TLE4: variants seen among roughly 807,000 people sequenced by gnomAD.
TLE4 encodes transducin-like enhancer protein 4.
TLE4 carries 8 observed loss-of-function variants against 92.8 expected under a neutral mutation model. The ratio of observed to expected loss-of-function variants is 0.09; its 90% CI spans 0.05 to 0.16. The LOEUF is 0.16. Ranked by LOEUF, TLE4 falls within the 10% of genes least tolerant of loss-of-function variation. The pLI is 1.00. For missense variants in TLE4, 675 were observed against 997.6 expected, an observed-to-expected ratio of 0.68 and a Z score of 4.36; for synonymous variants, 371 against 374.1, an observed-to-expected ratio of 0.99 and a Z score of 0.10.
In TLE4 at chr9:79,718,878, G is replaced by A. The variant is rs773471363; in HGVS notation, c.1497G>A (p.Thr499=). The A allele has an allele frequency of 6.8e-5, 109 of 1,613,982 alleles. 1 individual carries two copies. Among genetic ancestry groups the A allele is most frequent in the South Asian group, 3.4e-4 (31 of 91,080 alleles). The part of the protein sequence containing the change: ...VVCAVTISNP[T]RHVYTGGKGC... ...GCGCGGTGACCATCAGCAACCCCAC[G>A]AGACACGTGTACACGGGTGGGAAGG... The change falls in exon 15 of 20, where the codon ACG becomes ACA. Residue 499 remains threonine, a synonymous_variant. Transcript: ENST00000376552.
intron 8 of TLE4, among the ~76,000 whole-genome samples, chr9:79,681,574 G>A (rs900543491): frequency 6.6e-6 from 1 of 152,082 alleles, no homozygotes; most frequent in East Asian, 1.9e-4. Flanking sequence ...ATTGAAGATC[G>A]AATGTCCACA....
Position 79,725,511 on chromosome 9 carries a change from T to C in TLE4, c.*367T>C, listed in dbSNP as rs2076299239. 1.2e-5 allele frequency: 2 copies of C among 168,818 alleles called. No individual in the cohort carries two copies. The highest frequency in any genetic ancestry group is 2.6e-5 in the Non-Finnish European group (2 of 78,172). 10.5% of individuals were successfully genotyped at this position (168,818 alleles called of 1,614,324 possible). On this transcript the variant is annotated 3_prime_UTR_variant, in exon 20 of 20. Coordinates refer to ENST00000376552, the MANE Select transcript of TLE4 (RefSeq NM_007005.6). ...TCCTGCATTGATAATGAAGGTGCGTTGTATTTGATACCCCTCCCCCCCTTT... is the reference window on the plus strand; with the variant it reads ...TCCTGCATTGATAATGAAGGTGCGTCGTATTTGATACCCCTCCCCCCCTTT...
At chr9:79,577,731 A>G (rs934312402) in intron 4 of TLE4, among the ~76,000 whole-genome samples, 1 of 152,166 alleles carries the variant, frequency 6.6e-6, no homozygotes, top group African/African-American at 2.4e-5. Context: ...ATTGGACCAG[A>G]TGATTAATTT....
chr9:79,607,636 T>TC (rs1219946980), intron 4 of TLE4, among the ~76,000 whole-genome samples: 1 of 152,152 alleles, frequency 6.6e-6, no homozygotes, highest in Non-Finnish European at 1.5e-5. Context: ...GGGAATCCTT[T>TC]CCCCATTGCT....
intron 6 of TLE4, among the ~76,000 whole-genome samples, chr9:79,628,356 AATT>A (rs1460178696): frequency 1.3e-5 from 2 of 151,912 alleles, no homozygotes; most frequent in African/African-American, 4.8e-5. Context: ...TTGAAATGCT[AATT>A]ATTTCGTTTA....
At chr9:79,643,506 C>G (rs149473118) in intron 6 of TLE4, among the ~76,000 whole-genome samples, 1 of 152,258 alleles carries the variant, frequency 6.6e-6, no homozygotes, top group Non-Finnish European at 1.5e-5. Context: ...TGTCTTTTTA[C>G]TCTTCTTTAA....
intron 3 of TLE4, 156 bp from the exon 4 acceptor site, chr9:79,575,976 AG>A (rs557483531): frequency 1.1e-4 from 50 of 448,572 alleles, no homozygotes; most frequent in African/African-American, 8.1e-4. Context: ...GGTTAAAGAT[AG>A]TGATGGGCTC....
intron 8 of TLE4, among the ~76,000 whole-genome samples, chr9:79,679,384 T>C (rs1043506364): frequency 2.0e-5 from 3 of 152,178 alleles, no homozygotes; most frequent in Non-Finnish European, 4.4e-5. Flanking sequence ...TGATGAGCAT[T>C]TTTTCATGTG....
chr9:79,704,737 A>G (rs769699023), intron 8 of TLE4, 46 bp from the exon 9 acceptor site: 1 of 1,587,074 alleles, frequency 6.3e-7, no homozygotes. Flanking sequence ...ACTCGGCTAA[A>G]TAGATGATAA....
At chr9:79,641,964 T>C (rs2057242631) in intron 6 of TLE4, among the ~76,000 whole-genome samples, 1 of 151,744 alleles carries the variant, frequency 6.6e-6, no homozygotes, top group African/African-American at 2.4e-5. Context: ...TTTTTTTTAA[T>C]TAAAAAAGGG....
intron 4 of TLE4, among the ~76,000 whole-genome samples, chr9:79,593,864 T>G (rs952853445): frequency 1.3e-5 from 2 of 152,226 alleles, no homozygotes; most frequent in Admixed American, 1.3e-4. Flanking sequence ...TATTATTGAC[T>G]TATTGGTAAC....
At chr9:79,612,235 T>G (rs887217209) in intron 4 of TLE4, among the ~76,000 whole-genome samples, 3 of 152,040 alleles carry the variant, frequency 2.0e-5, no homozygotes, top group Non-Finnish European at 2.9e-5. Flanking sequence ...AATATAGAAA[T>G]CCAATGATTT....
At chr9:79,573,356 C>A in intron 1 of TLE4, 2 of 1,127,350 alleles carry the variant, frequency 1.8e-6, no homozygotes, top group Admixed American at 3.9e-5. Context: ...CCCGACGGGC[C>A]AGTTTCGATT....
chr9:79,640,559 C>G (rs999219641), intron 6 of TLE4, among the ~76,000 whole-genome samples: 4 of 151,960 alleles, frequency 2.6e-5, no homozygotes, highest in African/African-American at 9.7e-5. Context: ...AACTATCTAC[C>G]TAGTTACTTA....
At chr9:79,652,108 T>A (rs2059110564) in intron 6 of TLE4, among the ~76,000 whole-genome samples, 2 of 125,726 alleles carry the variant, frequency 1.6e-5, no homozygotes. Context: ...ATTTATTGAC[T>A]ACACAGCTCA....
At chr9:79,602,382 A>G (rs957106047) in intron 4 of TLE4, among the ~76,000 whole-genome samples, 3 of 152,200 alleles carry the variant, frequency 2.0e-5, no homozygotes, top group African/African-American at 7.2e-5. Context: ...ACTGGCCTCA[A>G]ATCTTCAAAG....
chr9:79,648,287 A>AAG (rs1445598902), intron 6 of TLE4, among the ~76,000 whole-genome samples: 1 of 152,160 alleles, frequency 6.6e-6, no homozygotes, highest in Non-Finnish European at 1.5e-5. Context: ...CAGGGGTACT[A>AAG]AGAGGCCTGA....
intron 4 of TLE4, among the ~76,000 whole-genome samples, chr9:79,578,145 G>C (rs577423800): frequency 5.1e-4 from 78 of 152,238 alleles, no homozygotes; most frequent in African/African-American, 1.9e-3. Context: ...TTCCTAGGCA[G>C]ACAGCCTTAG....
intron 5 of TLE4, among the ~76,000 whole-genome samples, chr9:79,616,468 C>T (rs543043456): frequency 1.3e-4 from 20 of 152,240 alleles, no homozygotes; most frequent in Admixed American, 1.1e-3. Flanking sequence ...GCTCTGTCTC[C>T]TCTTGGGAGG....
Sources: allele counts gnomAD v4.1 joint callset (sites outside exome capture counted in the v4.1 genomes callset), GRCh38; gene constraint gnomAD v4.1.1; transcripts MANE v1.5; gene names NCBI Gene and HGNC (gene_info 2026-07-23, HGNC 2026-07-21).